The following SPTBN1 variants were observed in gnomAD, a reference collection of about 807,000 sequenced individuals.
The protein encoded by SPTBN1 is spectrin beta chain, non-erythrocytic 1.
A neutral mutation model predicts 266.4 loss-of-function variants in SPTBN1; 32 were observed. The observed-to-expected ratio is 0.12, with a 90% CI of 0.09 to 0.16. The LOEUF is 0.16. Among genes scored for constraint, SPTBN1 ranks in the 10% least tolerant of loss-of-function variants. SPTBN1 has a pLI of 1.00. For missense variants in SPTBN1, 2,296 were observed against 3,067.1 expected (o/e 0.75, Z 5.94); for synonymous variants, 1,336 against 1,162.2 (o/e 1.15, Z -3.04).
intron 29 of SPTBN1, 32 bp from the exon 30 acceptor site, chr2:54,657,818 C>A: frequency 6.2e-7 from 1 of 1,613,472 alleles, no homozygotes; most frequent in South Asian, 1.1e-5. Context: ...ACCTCCTGGT[C>A]AACGTGTACT....
intron 7 of SPTBN1, among the ~76,000 whole-genome samples, chr2:54,620,886 A>T (rs1677948842): frequency 6.6e-6 from 1 of 152,198 alleles, no homozygotes; most frequent in Non-Finnish European, 1.5e-5. Context: ...CTGAAAGATC[A>T]GTCTGGGTGC....
intron 3 of SPTBN1, among the ~76,000 whole-genome samples, chr2:54,601,834 A>G (rs1210472972): frequency 2.0e-5 from 3 of 152,182 alleles, no homozygotes; most frequent in Admixed American, 2.0e-4. Context: ...GTGTTTTCTG[A>G]GTAAAGTTCA....
intron 1 of SPTBN1, among the ~76,000 whole-genome samples, chr2:54,481,363 T>C (rs11892340): frequency 0.032 from 4,848 of 150,976 alleles, 261 homozygotes; most frequent in African/African-American, 0.11. Context: ...GAAATGCTGA[T>C]TGGAAGATTA....
rs201967701 is a variant in SPTBN1, at chr2:54,668,341, C to G, written c.6877-10C>G. 1 of 1,613,886 alleles carries G rather than the reference C, an allele frequency of 6.2e-7. No individual in the cohort carries two copies. Among genetic ancestry groups the G allele is most frequent in the East Asian group, 2.2e-5 (1 of 44,876 alleles). On this transcript the variant is annotated splice_polypyrimidine_tract_variant and intron_variant, in intron 35 of 35. Coordinates refer to ENST00000356805, the MANE Select transcript of SPTBN1 (RefSeq NM_003128.3). Reference sequence around the variant, plus strand: ...AGTTGAGTCTCACCTGTGTCCCTTCCTCTGTCCAGGAGGAAATGAACACAT... The same window carrying G: ...AGTTGAGTCTCACCTGTGTCCCTTCGTCTGTCCAGGAGGAAATGAACACAT...
intron 3 of SPTBN1, among the ~76,000 whole-genome samples, chr2:54,610,094 T>G (rs563274753): frequency 8.8e-6 from 1 of 113,124 alleles, no homozygotes; most frequent in Non-Finnish European, 1.9e-5. Flanking sequence ...ATTGATTTTC[T>G]TAATGGTGCC....
chr2:54,550,619 A>T (rs1040945989), intron 2 of SPTBN1, among the ~76,000 whole-genome samples: 1 of 152,208 alleles, frequency 6.6e-6, no homozygotes, highest in African/African-American at 2.4e-5. Flanking sequence ...TGTGGAAGAA[A>T]TCCTGCTCTG....
At chr2:54,502,166 A>G (rs528498260) in intron 1 of SPTBN1, among the ~76,000 whole-genome samples, 5 of 152,304 alleles carry the variant, frequency 3.3e-5, no homozygotes, top group East Asian at 1.9e-4. Context: ...ACCCCTGCCA[A>G]TAGTGAGACT....
intron 17 of SPTBN1, among the ~76,000 whole-genome samples, chr2:54,635,976 G>A (rs58864113): frequency 6.6e-6 from 1 of 152,278 alleles, no homozygotes; most frequent in African/African-American, 2.4e-5. Flanking sequence ...TCTGATGATA[G>A]ATGGCAATGG....
chr2:54,497,012 C>T (rs559859031), intron 1 of SPTBN1, among the ~76,000 whole-genome samples: 14 of 152,232 alleles, frequency 9.2e-5, no homozygotes, highest in Admixed American at 7.2e-4. Context: ...TGATGATATG[C>T]GCATATGTTT....
At chr2:54,528,669 G>C (rs903354568) in intron 2 of SPTBN1, 1 of 149,414 alleles carries the variant, frequency 6.7e-6, no homozygotes, top group African/African-American at 2.5e-5. Context: ...TAACTCTGCA[G>C]TGTATACTCT....
At chr2:54,632,983 A>C (rs555562013) in intron 17 of SPTBN1, among the ~76,000 whole-genome samples, 1 of 152,348 alleles carries the variant, frequency 6.6e-6, no homozygotes, top group East Asian at 1.9e-4. Context: ...AAGTGTCCAC[A>C]AAAGGAAAGA....
intron 1 of SPTBN1, among the ~76,000 whole-genome samples, chr2:54,464,612 G>A (rs1693532010): frequency 6.6e-6 from 1 of 152,160 alleles, no homozygotes; most frequent in Non-Finnish European, 1.5e-5. Context: ...AGAGAAGAAT[G>A]CAGTAAATAA....
chr2:54,651,041 T>C (rs1198668485), intron 26 of SPTBN1, among the ~76,000 whole-genome samples: 2 of 152,248 alleles, frequency 1.3e-5, no homozygotes, highest in African/African-American at 2.4e-5. Flanking sequence ...AGTTTAAGGA[T>C]TGAGGTGCAA....
intron 2 of SPTBN1, among the ~76,000 whole-genome samples, chr2:54,536,777 A>T (rs1671632008): frequency 6.6e-6 from 1 of 152,170 alleles, no homozygotes; most frequent in South Asian, 2.1e-4. Context: ...CATGCCTGTT[A>T]TCCCAGCACT....
chr2:54,471,690 C>T (rs1321843967), intron 1 of SPTBN1, among the ~76,000 whole-genome samples: 6 of 151,982 alleles, frequency 3.9e-5, no homozygotes, highest in Non-Finnish European at 7.4e-5. Context: ...CAGCCTTGGC[C>T]TGCCTTAAAA....
At chr2:54,551,800 A>C (rs1672580340) in intron 2 of SPTBN1, among the ~76,000 whole-genome samples, 1 of 152,216 alleles carries the variant, frequency 6.6e-6, no homozygotes, top group Admixed American at 6.5e-5. Context: ...AATAATTCCT[A>C]TGGATAGAAA....
At chr2:54,561,729 A>T (rs949368379) in intron 2 of SPTBN1, among the ~76,000 whole-genome samples, 3 of 148,686 alleles carry the variant, frequency 2.0e-5, no homozygotes, top group Non-Finnish European at 4.5e-5. Flanking sequence ...ATATATAAAT[A>T]TAAATCGAGT....
chr2:54,589,448 C>T (rs1311233971), intron 2 of SPTBN1, among the ~76,000 whole-genome samples: 4 of 152,190 alleles, frequency 2.6e-5, no homozygotes, highest in African/African-American at 9.7e-5. Context: ...AGGGACTGCC[C>T]AGCAGATGCA....
rs1158987936 is a variant in SPTBN1 at position 54,466,686 on chromosome 2, CTG to C, written c.-48+10170_-48+10171del. ...AATGGAATTGCAGAAGATTTCATCT[CTG>C]TATATTTTTTTCTCCATATTTTTTA... On this transcript the variant is annotated intron_variant, in intron 1 of 35. Transcript: ENST00000356805. Among the ~76,000 whole-genome samples the C allele has an allele frequency of 2.0e-5, 3 of 149,636 alleles. No individual in the cohort carries two copies. In the Admixed American group the frequency reaches 2.0e-4, roughly 10 times the overall value.
Sources: allele counts gnomAD v4.1 joint callset (sites outside exome capture counted in the v4.1 genomes callset), GRCh38; gene constraint gnomAD v4.1.1; transcripts MANE v1.5; gene names NCBI Gene and HGNC (gene_info 2026-07-23, HGNC 2026-07-21).